The following EPHB1 variants were observed in gnomAD, a reference collection of about 807,000 sequenced individuals.
EPHB1 encodes EPH receptor B1.
In EPHB1, 30 loss-of-function variants were observed where a neutral mutation model predicts 94.4. That is an observed-to-expected ratio of 0.32 (90% confidence interval 0.24 to 0.43). The LOEUF (loss-of-function observed/expected upper bound fraction) is 0.43. EPHB1 is among the 20% of genes least tolerant of loss of function. EPHB1 has a pLI of 1.00. For synonymous variants in EPHB1, 522 were observed against 489.1 expected (o/e 1.07, Z -0.89); for missense variants, 1,055 against 1,308.3 (o/e 0.81, Z 2.99).
chr3:134,833,897 A>G (rs969685369), intron 1 of EPHB1, among the ~76,000 whole-genome samples: 1 of 152,206 alleles, frequency 6.6e-6, no homozygotes, highest in African/African-American at 2.4e-5. Context: ...TGAGTTGAGT[A>G]TAGAGGAATA....
chr3:134,834,343 T>A (rs1395023023), intron 1 of EPHB1, among the ~76,000 whole-genome samples: 1 of 152,192 alleles, frequency 6.6e-6, no homozygotes, highest in Non-Finnish European at 1.5e-5. Context: ...GATCTTCTGA[T>A]CTGGATTCCT....
At chr3:134,919,838 AGG>A (rs199518839) in intron 1 of EPHB1, among the ~76,000 whole-genome samples, 11 of 138,882 alleles carry the variant, frequency 7.9e-5, no homozygotes, top group South Asian at 6.9e-4. Context: ...GTCTTAGGGC[AGG>A]GGTGTGTGTG....
At chr3:135,060,066 C>T (rs1475045304) in intron 3 of EPHB1, among the ~76,000 whole-genome samples, 1 of 152,236 alleles carries the variant, frequency 6.6e-6, no homozygotes, top group Admixed American at 6.5e-5. Flanking sequence ...GTAAAATTCA[C>T]TCTGTAAATT....
chr3:135,251,512 G>A (rs1933097023), intron 15 of EPHB1, among the ~76,000 whole-genome samples: 1 of 152,168 alleles, frequency 6.6e-6, no homozygotes, highest in Admixed American at 6.5e-5. Context: ...TATAAATTAA[G>A]GGATTTCATT....
intron 13 of EPHB1, among the ~76,000 whole-genome samples, chr3:135,247,440 T>C (rs375578964): frequency 2.1e-4 from 32 of 152,360 alleles, no homozygotes; most frequent in African/African-American, 6.3e-4. Flanking sequence ...GGGTGTACCA[T>C]AATAAATTCA....
At chr3:134,982,159 T>C (rs949467390) in intron 3 of EPHB1, among the ~76,000 whole-genome samples, 2 of 152,210 alleles carry the variant, frequency 1.3e-5, no homozygotes, top group Non-Finnish European at 2.9e-5. Flanking sequence ...TTATCTTTAA[T>C]GCTCACGCAA....
At chr3:134,954,705 T>C (rs1933178477) in intron 3 of EPHB1, among the ~76,000 whole-genome samples, 1 of 152,200 alleles carries the variant, frequency 6.6e-6, no homozygotes, top group African/African-American at 2.4e-5. Flanking sequence ...GAAAGAATAA[T>C]CTCTCCGCTT....
At chr3:135,063,201 TG>T (rs1386167036) in intron 3 of EPHB1, among the ~76,000 whole-genome samples, 2 of 152,116 alleles carry the variant, frequency 1.3e-5, no homozygotes, top group African/African-American at 4.8e-5. Context: ...ATTTTAGAAT[TG>T]TTTTTTCTAA....
intron 1 of EPHB1, among the ~76,000 whole-genome samples, chr3:134,869,666 G>A (rs72984061): frequency 0.031 from 4,764 of 152,216 alleles, 251 homozygotes; most frequent in African/African-American, 0.11. Context: ...AGCAATTTGA[G>A]TGCAAACTCT....
chr3:134,960,583 C>T (rs1933475430), intron 3 of EPHB1, among the ~76,000 whole-genome samples: 1 of 152,180 alleles, frequency 6.6e-6, no homozygotes, highest in Admixed American at 6.5e-5. Flanking sequence ...TTTGTACCCA[C>T]CTAGCCTGCT....
intron 4 of EPHB1, among the ~76,000 whole-genome samples, chr3:135,120,045 G>A (rs1939886203): frequency 6.6e-6 from 1 of 152,116 alleles, no homozygotes; most frequent in African/African-American, 2.4e-5. Context: ...AATGACTGGT[G>A]AACTAAGTCT....
At chr3:134,992,648 G>A (rs1049916025) in intron 3 of EPHB1, among the ~76,000 whole-genome samples, 1 of 152,146 alleles carries the variant, frequency 6.6e-6, no homozygotes. Context: ...GGGGCTCACA[G>A]CCTTCAAGTG....
At chr3:135,039,863 C>A (rs1185571241) in intron 3 of EPHB1, among the ~76,000 whole-genome samples, 1 of 152,192 alleles carries the variant, frequency 6.6e-6, no homozygotes, top group African/African-American at 2.4e-5. Context: ...AAAGGGGCTC[C>A]CACAGTGCAG....
Position 134,824,364 on chromosome 3 carries a change from TGCACACTG to T in EPHB1, c.58+28677_58+28684del, listed in dbSNP as rs566902122. Among the ~76,000 whole-genome samples, 74 of 152,238 alleles carry T rather than the reference TGCACACTG, an allele frequency of 4.9e-4. No individual in the cohort carries two copies. The South Asian group carries it at 0.014, about 29-fold the overall frequency. On this transcript the variant is annotated intron_variant, in intron 1 of 15. Coordinates refer to ENST00000398015, the MANE Select transcript of EPHB1 (RefSeq NM_004441.5). Reference sequence around the variant, plus strand: ...CTCTGCTGGGCACAGTGCCAGTTGGTGCACACTGGGTTTGAAGGGCCTAGGTCTGGGTT... The same window carrying T: ...CTCTGCTGGGCACAGTGCCAGTTGGTGGTTTGAAGGGCCTAGGTCTGGGTT...
chr3:135,214,553 G>C (rs1482049324), intron 12 of EPHB1, among the ~76,000 whole-genome samples: 1 of 152,156 alleles, frequency 6.6e-6, no homozygotes, highest in East Asian at 1.9e-4. Flanking sequence ...GCGCTCCAGA[G>C]GTCTTTGTTC....
At chr3:134,934,502 C>T (rs1270078892) in intron 2 of EPHB1, among the ~76,000 whole-genome samples, 10 of 152,210 alleles carry the variant, frequency 6.6e-5, no homozygotes. Context: ...AAGGCCACTG[C>T]TCTGCCTGGC....
intron 12 of EPHB1, among the ~76,000 whole-genome samples, chr3:135,218,600 C>T (rs941914693): frequency 6.6e-6 from 1 of 152,222 alleles, no homozygotes; most frequent in South Asian, 2.1e-4. Context: ...CTCAATATGC[C>T]TGTCATCATG....
At chr3:135,028,031 T>G (rs1167615804) in intron 3 of EPHB1, among the ~76,000 whole-genome samples, 1 of 146,322 alleles carries the variant, frequency 6.8e-6, no homozygotes, top group Non-Finnish European at 1.5e-5. Flanking sequence ...TGTAGTATTC[T>G]CTGATGGTAG....
chr3:135,018,117 A>T (rs538915466), intron 3 of EPHB1, among the ~76,000 whole-genome samples: 47 of 152,168 alleles, frequency 3.1e-4, no homozygotes, highest in African/African-American at 1.1e-3. Flanking sequence ...CGTAAAGGGG[A>T]AAAAACATCT....
Sources: allele counts gnomAD v4.1 joint callset (sites outside exome capture counted in the v4.1 genomes callset), GRCh38; gene constraint gnomAD v4.1.1; transcripts MANE v1.5; gene names NCBI Gene and HGNC (gene_info 2026-07-23, HGNC 2026-07-21).